The following ATOSB variants were observed in gnomAD, a reference collection of about 807,000 sequenced individuals.
The protein encoded by ATOSB is atos homolog B.
chr9:35,107,656 T>G, the ATOSB span: 1 of 1,607,408 alleles, frequency 6.2e-7, no homozygotes, highest in Non-Finnish European at 8.5e-7. Flanking sequence ...CTACCCCCAT[T>G]GCCCACCCCA....
chr9:35,106,872 G>C, the ATOSB span: 1 of 1,571,846 alleles, frequency 6.4e-7, no homozygotes, highest in Admixed American at 1.8e-5. The surrounding 1 kb of genome is among the most constrained non-coding windows in gnomAD (Gnocchi z 4.6). Context: ...CCGCCCCATG[G>C]GACCGCAGTC....
At chr9:35,107,864 A>G in the ATOSB span, 2 of 1,595,538 alleles carry the variant, frequency 1.3e-6, no homozygotes, top group Non-Finnish European at 1.7e-6. Flanking sequence ...AGGCCCCCGA[A>G]GTCCAAGATG....
the ATOSB span, chr9:35,105,512 C>A: frequency 8.7e-7 from 1 of 1,155,694 alleles, no homozygotes; most frequent in Non-Finnish European, 1.2e-6. The surrounding 1 kb of genome is among the most constrained non-coding windows in gnomAD (Gnocchi z 5.5). Context: ...AGCAACATAG[C>A]GAGACCCCAT....
At chr9:35,113,330 C>T in the ATOSB span, among the ~76,000 whole-genome samples, 2 of 152,080 alleles carry the variant, frequency 1.3e-5, no homozygotes, top group Admixed American at 6.5e-5. Flanking sequence ...CAGGGTACAA[C>T]CAAGAGGACT....
the ATOSB span, chr9:35,105,634 G>A: frequency 6.3e-7 from 1 of 1,584,778 alleles, no homozygotes; most frequent in Non-Finnish European, 8.6e-7. This position sits in a 1 kb window ranked among gnomAD's most constrained non-coding sequence, Gnocchi z 5.5. Flanking sequence ...TCCTCTTCAG[G>A]GAGGGGATAC....
At chr9:35,108,894 G>A in the ATOSB span, 1 of 156,236 alleles carries the variant, frequency 6.4e-6, no homozygotes, top group Non-Finnish European at 1.4e-5. Context: ...GGGCACAGAT[G>A]GCAGAGTTGG....
At chr9:35,115,212 C>CA in the ATOSB span, among the ~76,000 whole-genome samples, 1 of 152,072 alleles carries the variant, frequency 6.6e-6, no homozygotes, top group Admixed American at 6.5e-5. Context: ...GACATTCACA[C>CA]AAGCCCTAGT....
At chr9:35,110,080 G>T in the ATOSB span, 1 of 152,134 alleles carries the variant, frequency 6.6e-6, no homozygotes. Context: ...TTGTACCCAG[G>T]GACTGAAAAG....
the ATOSB span, chr9:35,110,040 G>C: frequency 6.6e-6 from 1 of 152,308 alleles, no homozygotes. Flanking sequence ...GAACAGAGGT[G>C]GGGGTGGGGA....
chr9:35,111,284 G>C, the ATOSB span: 1 of 153,568 alleles, frequency 6.5e-6, no homozygotes, highest in Non-Finnish European at 1.5e-5. Flanking sequence ...TCCCAAATTG[G>C]CTCCGCGGAG....
chr9:35,106,234 G>A, the ATOSB span: 2 of 1,613,050 alleles, frequency 1.2e-6, no homozygotes, highest in Non-Finnish European at 1.7e-6. The surrounding 1 kb of genome is among the most constrained non-coding windows in gnomAD (Gnocchi z 4.6). Flanking sequence ...TGACTTTGGG[G>A]TTGGAGTCAA....
chr9:35,115,451 C>T, the ATOSB span, among the ~76,000 whole-genome samples: 2 of 151,918 alleles, frequency 1.3e-5, no homozygotes, highest in African/African-American at 4.8e-5. Context: ...GCCTACAACC[C>T]CTTCCCCTAG....
At chr9:35,106,472 C>T in the ATOSB span, 10 of 1,608,730 alleles carry the variant, frequency 6.2e-6, no homozygotes, top group Non-Finnish European at 7.6e-6. This position sits in a 1 kb window ranked among gnomAD's most constrained non-coding sequence, Gnocchi z 4.6. Flanking sequence ...CTTATCCATC[C>T]AAGCCACATT....
At chr9:35,106,377 C>T in the ATOSB span, 1 of 1,614,166 alleles carries the variant, frequency 6.2e-7, no homozygotes, top group Non-Finnish European at 8.5e-7. The surrounding 1 kb of genome is among the most constrained non-coding windows in gnomAD (Gnocchi z 4.6). Context: ...TCAATGTGGC[C>T]AGATGGTGCA....
At chr9:35,115,619 C>T in the ATOSB span, 1 of 136,700 alleles carries the variant, frequency 7.3e-6, no homozygotes, top group African/African-American at 2.7e-5. Flanking sequence ...CGCAACCCCC[C>T]CACAACAAAG....
At chr9:35,115,536 C>T in the ATOSB span, 2 of 150,520 alleles carry the variant, frequency 1.3e-5, no homozygotes, top group South Asian at 2.1e-4. Context: ...AAAGCACCTC[C>T]ATGTCCCCTG....
At chr9:35,113,037 G>A in the ATOSB span, among the ~76,000 whole-genome samples, 4 of 152,124 alleles carry the variant, frequency 2.6e-5, no homozygotes, top group Admixed American at 2.0e-4. Flanking sequence ...TGACTTCCTT[G>A]CCGGTTCCCT....
At chr9:35,113,121 T>A in the ATOSB span, among the ~76,000 whole-genome samples, 1 of 152,220 alleles carries the variant, frequency 6.6e-6, no homozygotes, top group African/African-American at 2.4e-5. Flanking sequence ...AAGAGCCTAC[T>A]TGCCTTAATA....
the ATOSB span, chr9:35,105,631 C>T: frequency 1.3e-6 from 2 of 1,582,466 alleles, no homozygotes; most frequent in Non-Finnish European, 1.7e-6. This position sits in a 1 kb window ranked among gnomAD's most constrained non-coding sequence, Gnocchi z 5.5. Context: ...AGATCCTCTT[C>T]AGGGAGGGGA....
Sources: allele counts gnomAD v4.1 joint callset (sites outside exome capture counted in the v4.1 genomes callset), GRCh38; gene constraint gnomAD v4.1.1; non-coding constraint Gnocchi (gnomAD v3.1); transcripts MANE v1.5; gene names NCBI Gene and HGNC (gene_info 2026-07-23, HGNC 2026-07-21).